CHD7: variants seen among roughly 807,000 people sequenced by gnomAD.
CHD7 encodes the protein chromodomain helicase DNA binding protein 7.
Under a neutral mutation model 307.3 loss-of-function variants are expected in CHD7, and 24 were observed. The ratio of observed to expected loss-of-function variants is 0.08; its 90% CI spans 0.06 to 0.11. CHD7 has a LOEUF of 0.11. Ranked by LOEUF, CHD7 falls within the 10% of genes least tolerant of loss-of-function variation. The pLI is 1.00. For synonymous variants in CHD7, 1,363 were observed against 1,349.9 expected, an observed-to-expected ratio of 1.01 and a Z score of -0.21; for missense variants, 3,106 against 3,727.1, an observed-to-expected ratio of 0.83 and a Z score of 4.34.
rs1372823546 is a variant in CHD7 at position 60,862,327 on chromosome 8, T to C, written c.7962T>C (p.Asn2654=). The part of the protein sequence containing the change: ...EERVPVVNKR[N]GKKMGGAMAP... ...GGGTGCCTGTTGTCAATAAACGAAA[T>C]GGGAAGAAGGTAAACGCTGGGAAAG... The change falls in exon 36 of 38, where the codon AAT becomes AAC. Residue 2654 remains asparagine (N), a synonymous_variant. Transcript: ENST00000423902. 3.1e-6 allele frequency: 5 copies of C among 1,603,742 alleles called. No homozygotes were observed. The highest frequency in any genetic ancestry group is 2.7e-5 in the African/African-American group (2 of 74,314).
Position 60,841,741 on chromosome 8 carries a change from C to G in CHD7, c.4631C>G (p.Ala1544Gly). The change falls in exon 20 of 38, where the codon GCC becomes GGC. Residue 1544 changes from alanine to glycine, a missense_variant. By Grantham distance (60) the Ala-to-Gly change is moderately conservative. Transcript: ENST00000423902. ...WAKKAELDID[A>G]LNGRNNLVID... ...AAGAAGGCTGAATTGGATATTGATG[C>G]CTTAAATGGGAGGGTGAGTAAGAAG... 1 of 1,605,968 alleles carries G rather than the reference C, an allele frequency of 6.2e-7. No individual in the cohort carries two copies. Among genetic ancestry groups the G allele is most frequent in the Non-Finnish European group, 8.5e-7 (1 of 1,173,040 alleles).
intron 15 of CHD7, among the ~76,000 whole-genome samples, chr8:60,832,918 T>G (rs1804585282): frequency 6.6e-6 from 1 of 152,208 alleles, no homozygotes; most frequent in South Asian, 2.1e-4. Context: ...TGAGGTCAGC[T>G]TTTCTGTCCT....
At position 60,852,660 on chromosome 8, in the gene CHD7, G is replaced by A; in HGVS notation, c.6057G>A (p.Val2019=). The change falls in exon 30 of 38, where the codon GTG becomes GTA. Residue 2019 remains valine, a synonymous_variant. Transcript: ENST00000423902. Reference sequence around the variant, plus strand: ...TGGAGAAATACTTCAGTTGTTTTGTGGCCATGTGTAGGCGAGTATGTCGAA... The same window carrying A: ...TGGAGAAATACTTCAGTTGTTTTGTAGCCATGTGTAGGCGAGTATGTCGAA... ...ESLEKYFSCF[V]AMCRRVCRMP... 6.2e-7 allele frequency: 1 copy of A among 1,613,950 alleles called. No individual in the cohort carries two copies. Among genetic ancestry groups the A allele is most frequent in the South Asian group, 1.1e-5 (1 of 91,080 alleles).
intron 1 of CHD7, among the ~76,000 whole-genome samples, chr8:60,703,289 T>A (rs193162601): frequency 6.6e-6 from 1 of 152,362 alleles, no homozygotes; most frequent in African/African-American, 2.4e-5. Context: ...ACTGAAATTT[T>A]ATACACATTT....
rs1217616477 is a variant in CHD7, at chr8:60,865,119, G to A, written c.8180G>A (p.Arg2727Lys). ...AGAAGGCCCAAAAGTGAGATCGCCAGAGCAGCCGCGGCCGCCGCTGCTGTG... is the reference window on the plus strand; with the variant it reads ...AGAAGGCCCAAAAGTGAGATCGCCAAAGCAGCCGCGGCCGCCGCTGCTGTG... ...RGRRPKSEIA[R>K]AAAAAAAVAS... The change falls in exon 38 of 38, where the codon AGA (arginine) becomes AAA (lysine). Residue 2727 changes from arginine (R) to lysine (K), a missense_variant. This residue lies in a region of CHD7 where 351 missense variants were observed against 366.2 expected (regional missense o/e 0.96). Transcript: ENST00000423902. The surrounding 1 kb of genome is among the most constrained non-coding windows in gnomAD (Gnocchi z 4.3). The A allele has an allele frequency of 6.2e-7, 1 of 1,610,952 alleles. No individual in the cohort carries two copies. Among genetic ancestry groups the A allele is most frequent in the East Asian group, 2.2e-5 (1 of 44,768 alleles).
At chr8:60,819,779 G>T (rs1056613620) in intron 8 of CHD7, among the ~76,000 whole-genome samples, 2 of 152,154 alleles carry the variant, frequency 1.3e-5, no homozygotes, top group Admixed American at 1.3e-4. Context: ...ACAGTAAAAG[G>T]TTTCACACGG....
chr8:60,741,157 T>C (rs1808979715), intron 1 of CHD7, 102 bp from the exon 2 acceptor site: 1 of 457,526 alleles, frequency 2.2e-6, no homozygotes, highest in African/African-American at 1.9e-5. Flanking sequence ...GTATTGTTGA[T>C]GGGGACCAAA....
Position 60,742,052 on chromosome 8 carries a change from A to G in CHD7, c.620A>G (p.Gln207Arg). The change falls in exon 2 of 38, where the codon CAG becomes CGG. Residue 207 changes from glutamine to arginine, a missense_variant. Gln to Arg is a conservative substitution (Grantham distance 43). This residue lies in a region of CHD7 where 998 missense variants were observed against 1,004.5 expected (regional missense o/e 0.99). Transcript: ENST00000423902. The stretch of plus-strand genomic sequence containing the variant: ...TCCATGCAGCAGCATGGTCAGCCAC[A>G]GCAGAGGATGAGCCAGTTTTCCCAA... ...DFSMQQHGQP[Q>R]QRMSQFSQGQ... The G allele has an allele frequency of 1.9e-6, 3 of 1,613,918 alleles. No homozygotes were observed. Among genetic ancestry groups the G allele is most frequent in the East Asian group, 2.2e-5 (1 of 44,878 alleles).
At chr8:60,797,249 A>C (rs538636460) in intron 4 of CHD7, among the ~76,000 whole-genome samples, 1 of 152,340 alleles carries the variant, frequency 6.6e-6, no homozygotes, top group East Asian at 1.9e-4. Context: ...TTATTTTAAA[A>C]CTAGAGAAGC....
At chr8:60,685,145 T>C (rs945629849) in intron 1 of CHD7, among the ~76,000 whole-genome samples, 51 of 152,330 alleles carry the variant, frequency 3.3e-4, no homozygotes, top group African/African-American at 1.2e-3. Flanking sequence ...AGCATATGAC[T>C]GAGGTAGCTG....
chr8:60,758,626 G>T (rs1221143398), intron 2 of CHD7, among the ~76,000 whole-genome samples: 6 of 152,070 alleles, frequency 3.9e-5, no homozygotes, highest in Admixed American at 3.9e-4. Context: ...GAGAATTACT[G>T]CCAAATACTT....
chr8:60,741,654 G>A lies in CHD7; in HGVS notation c.222G>A (p.Gln74=). 1 of 1,613,824 alleles carries A rather than the reference G, an allele frequency of 6.2e-7. No individual in the cohort carries two copies. The highest frequency in any genetic ancestry group is 1.1e-5 in the South Asian group (1 of 91,038). Residue 74 remains glutamine (Q), a synonymous_variant, in exon 2 of 38, where the codon CAG becomes CAA. Transcript: ENST00000423902. ...TKLTHFDHYN[Q]YEQQKMHLMD... is the part of the protein sequence containing the mutation. ...TGACACATTTTGATCACTATAATCAGTATGAACAACAAAAGATGCATCTGA... is the reference window on the plus strand; with the variant it reads ...TGACACATTTTGATCACTATAATCAATATGAACAACAAAAGATGCATCTGA...
At chr8:60,806,042 G>T (rs1192023960) in intron 6 of CHD7, among the ~76,000 whole-genome samples, 2 of 151,966 alleles carry the variant, frequency 1.3e-5, no homozygotes, top group Non-Finnish European at 2.9e-5. Context: ...TCTGCTGGAA[G>T]TCTGGTTCTA....
chr8:60,706,304 G>A (rs1335331411), intron 1 of CHD7, among the ~76,000 whole-genome samples: 2 of 152,162 alleles, frequency 1.3e-5, no homozygotes, highest in Admixed American at 6.5e-5. Context: ...TGTTCAGGAA[G>A]TAGTTAGGAA....
intron 2 of CHD7, among the ~76,000 whole-genome samples, chr8:60,751,842 C>T (rs1158036705): frequency 3.3e-5 from 5 of 152,254 alleles, no homozygotes; most frequent in East Asian, 3.9e-4. Context: ...AAATTGACAG[C>T]GTTGCATTTA....
chr8:60,802,776 C>T (rs1812371205), intron 6 of CHD7, among the ~76,000 whole-genome samples: 1 of 152,158 alleles, frequency 6.6e-6, no homozygotes, highest in African/African-American at 2.4e-5. Flanking sequence ...AAATAGGAAA[C>T]CATTACTATT....
chr8:60,728,268 G>T (rs899469760), intron 1 of CHD7, among the ~76,000 whole-genome samples: 1 of 152,262 alleles, frequency 6.6e-6, no homozygotes, highest in Admixed American at 6.5e-5. Context: ...TGTCATCAGT[G>T]TGCAGTTCTT....
Position 60,862,541 on chromosome 8 carries a change from T to C in CHD7, c.7972-7T>C, listed in dbSNP as rs1806046723. ...TTTTTAATCATTTGTCAAATGCCTC[T>C]ACCCAGATGGGTGGAGCTATGGCGC... On this transcript the variant is annotated splice_region_variant and splice_polypyrimidine_tract_variant and intron_variant, in intron 36 of 37. Transcript: ENST00000423902. 1 of 1,559,534 alleles carries C rather than the reference T, an allele frequency of 6.4e-7. No homozygotes were observed. Among genetic ancestry groups the C allele is most frequent in the Admixed American group, 1.9e-5 (1 of 52,506 alleles).
intron 1 of CHD7, among the ~76,000 whole-genome samples, chr8:60,700,971 C>T (rs926855707): frequency 2.0e-5 from 3 of 152,164 alleles, no homozygotes; most frequent in African/African-American, 7.2e-5. Context: ...TGAATTCTGT[C>T]TCAGGTTTTG....
Sources: gnomAD v4.1 joint callset for allele counts (sites outside exome capture counted in the v4.1 genomes callset) on GRCh38, gnomAD v4.1.1 for gene constraint, gnomAD v4.1.1 regional missense constraint, Gnocchi (gnomAD v3.1) non-coding constraint, MANE v1.5 for transcripts, NCBI Gene and HGNC (gene_info 2026-07-23, HGNC 2026-07-21) for gene names.